Variants in BFSP2 observed in about 807,000 individuals in gnomAD.
BFSP2 encodes the protein phakinin.
A neutral mutation model predicts 44.9 loss-of-function variants in BFSP2; 38 were observed. The observed-to-expected ratio is 0.85, with a 90% CI of 0.65 to 1.11. The LOEUF is 1.11. BFSP2 is among the 50% of genes least tolerant of loss of function. The pLI is 0.00. For synonymous variants in BFSP2, 197 were observed against 209.9 expected, an observed-to-expected ratio of 0.94 and a Z score of 0.53; for missense variants, 525 against 533.0, an observed-to-expected ratio of 0.99 and a Z score of 0.15.
At chr3:133,429,081 TG>T (rs1299180088) in intron 1 of BFSP2, among the ~76,000 whole-genome samples, 1 of 152,172 alleles carries the variant, frequency 6.6e-6, no homozygotes, top group Non-Finnish European at 1.5e-5. Flanking sequence ...AAACTCCCCT[TG>T]TACTCTGTCC....
intron 1 of BFSP2, among the ~76,000 whole-genome samples, chr3:133,429,920 A>C (rs1238402444): frequency 1.3e-5 from 2 of 148,440 alleles, no homozygotes; most frequent in Non-Finnish European, 2.9e-5. Context: ...CCCACCCCAC[A>C]ACAGTCCCCG....
At chr3:133,432,097 C>A (rs184715665) in intron 1 of BFSP2, among the ~76,000 whole-genome samples, 187 of 152,260 alleles carry the variant, frequency 1.2e-3, no homozygotes, top group African/African-American at 4.0e-3. Context: ...TTACCCCTCT[C>A]AACGCCAATG....
At chr3:133,419,503 G>A (rs1030590882) in intron 1 of BFSP2, among the ~76,000 whole-genome samples, 1 of 152,182 alleles carries the variant, frequency 6.6e-6, no homozygotes, top group African/African-American at 2.4e-5. Context: ...TATGTAGAGT[G>A]CCCGTTTGAT....
At chr3:133,464,418 C>T (rs1475452673) in intron 4 of BFSP2, among the ~76,000 whole-genome samples, 1 of 152,128 alleles carries the variant, frequency 6.6e-6, no homozygotes, top group Non-Finnish European at 1.5e-5. Context: ...AATGACATCT[C>T]CTTCATAGGG....
chr3:133,434,986 A>G (rs1437096967), intron 1 of BFSP2, among the ~76,000 whole-genome samples: 1 of 152,248 alleles, frequency 6.6e-6, no homozygotes, highest in Non-Finnish European at 1.5e-5. Context: ...GTTCATCCCT[A>G]AAGAACTGAG....
intron 2 of BFSP2, 48 bp downstream of exon 2, chr3:133,447,447 C>G (rs377094241): frequency 6.3e-7 from 1 of 1,575,486 alleles, no homozygotes; most frequent in African/African-American, 1.4e-5. Context: ...CCCTAGACTC[C>G]TAGGCAAGTG....
chr3:133,442,918 T>C (rs1045654549), intron 1 of BFSP2, among the ~76,000 whole-genome samples: 2 of 151,652 alleles, frequency 1.3e-5, no homozygotes, highest in Non-Finnish European at 2.9e-5. Flanking sequence ...AGTGCAGTGG[T>C]GCGATCTCAG....
At chr3:133,402,053 A>G (rs879389206) in intron 1 of BFSP2, among the ~76,000 whole-genome samples, 3 of 152,182 alleles carry the variant, frequency 2.0e-5, no homozygotes, top group Non-Finnish European at 2.9e-5. Context: ...TCTAAGAGGC[A>G]GCCATTCCTC....
chr3:133,411,061 C>A (rs1197396), intron 1 of BFSP2, among the ~76,000 whole-genome samples: 1 of 150,980 alleles, frequency 6.6e-6, no homozygotes, highest in Non-Finnish European at 1.5e-5. Flanking sequence ...TTACAGTTTT[C>A]AAATATTAAA....
intron 1 of BFSP2, among the ~76,000 whole-genome samples, chr3:133,434,856 C>T (rs753139304): frequency 2.6e-5 from 4 of 151,830 alleles, no homozygotes; most frequent in East Asian, 1.9e-4. Flanking sequence ...TCTTATAAAA[C>T]GGCCCCACCC....
chr3:133,439,272 G>C (rs1024974480), intron 1 of BFSP2, among the ~76,000 whole-genome samples: 6 of 152,206 alleles, frequency 3.9e-5, no homozygotes, highest in Non-Finnish European at 8.8e-5. Flanking sequence ...TCTTATATTT[G>C]TTCTGTACCT....
In BFSP2 at chr3:133,463,855, C is replaced by T. The variant is rs138172800; in HGVS notation, c.892-2973C>T. Among the ~76,000 whole-genome samples, 651 of 152,232 alleles carry T rather than the reference C, an allele frequency of 4.3e-3. 5 individuals carry two copies. The highest frequency in any genetic ancestry group is 0.015 in the African/African-American group (619 of 41,540). Reference sequence around the variant, plus strand: ...TAGTTGGTTGTGGGGGTGCCTCTCCCGCCCTGTTCATGTCTGACTGGCTAC... The same window carrying T: ...TAGTTGGTTGTGGGGGTGCCTCTCCTGCCCTGTTCATGTCTGACTGGCTAC... On this transcript the variant is annotated intron_variant, in intron 4 of 6. Coordinates refer to ENST00000302334, the MANE Select transcript of BFSP2 (RefSeq NM_003571.4).
intron 4 of BFSP2, among the ~76,000 whole-genome samples, chr3:133,465,867 C>G (rs146559593): frequency 6.6e-6 from 1 of 152,126 alleles, no homozygotes. Flanking sequence ...AAGACATGCT[C>G]TTGTATGAAA....
At chr3:133,428,889 GC>G (rs2073680201) in intron 1 of BFSP2, among the ~76,000 whole-genome samples, 4 of 152,220 alleles carry the variant, frequency 2.6e-5, no homozygotes, top group Non-Finnish European at 2.9e-5. Context: ...AGATGTATCA[GC>G]CACTGTGCTA....
chr3:133,429,111 A>AC (rs775220524), intron 1 of BFSP2, among the ~76,000 whole-genome samples: 15 of 143,138 alleles, frequency 1.0e-4, no homozygotes, highest in Admixed American at 4.3e-4. Context: ...TTCCACCCCC[A>AC]CCCCCCCAGA....
chr3:133,411,407 C>T (rs1402400575), intron 1 of BFSP2, among the ~76,000 whole-genome samples: 1 of 151,770 alleles, frequency 6.6e-6, no homozygotes, highest in Admixed American at 6.6e-5. Context: ...TTATTTATAT[C>T]TATAATAAAA....
rs558560077 is a variant in BFSP2, at chr3:133,437,664, GAAAGAAAGAA to G, written c.490-9638_490-9629del. Among the ~76,000 whole-genome samples the G allele has an allele frequency of 2.9e-3, 438 of 151,904 alleles. 2 individuals are homozygous for G. Among genetic ancestry groups the G allele is most frequent in the African/African-American group, 7.4e-3 (307 of 41,426 alleles). On this transcript the variant is annotated intron_variant, in intron 1 of 6. Coordinates refer to ENST00000302334, the MANE Select transcript of BFSP2 (RefSeq NM_003571.4). Reference sequence around the variant, plus strand: ...AGAGAGAGAGAAAGGAAGAAAGAAAGAAAGAAAGAAAAAGAAAGAAAAAGGAACTGAGCTA... The same window carrying G: ...AGAGAGAGAGAAAGGAAGAAAGAAAGAAAGAAAGAAAAAGGAACTGAGCTA...
intron 1 of BFSP2, among the ~76,000 whole-genome samples, chr3:133,422,258 A>G (rs2073600195): frequency 6.6e-6 from 1 of 152,192 alleles, no homozygotes; most frequent in African/African-American, 2.4e-5. Context: ...GACCTTGGAC[A>G]AGTTACTCCA....
chr3:133,416,518 CCT>C lies in BFSP2; in HGVS notation c.489+15947_489+15948del, dbSNP rs200161325. On this transcript the variant is annotated intron_variant, in intron 1 of 6. Transcript: ENST00000302334. ...GTCCTGTGTCTGCCCTCTACTGACC[CCT>C]GTTCTCTCCCCTCTACTCATCCCTC... Among the ~76,000 whole-genome samples, 660 of 148,394 alleles carry C rather than the reference CCT, an allele frequency of 4.4e-3. 6 individuals are homozygous for C. Among genetic ancestry groups the C allele is most frequent in the African/African-American group, 0.015 (603 of 39,684 alleles).
Sources: gnomAD v4.1 joint callset for allele counts (sites outside exome capture counted in the v4.1 genomes callset) on GRCh38, gnomAD v4.1.1 for gene constraint, MANE v1.5 for transcripts, NCBI Gene and HGNC (gene_info 2026-07-23, HGNC 2026-07-21) for gene names.